Variants in NT5C2 observed in about 807,000 individuals in gnomAD.
NT5C2 encodes cytosolic purine 5'-nucleotidase.
Under a neutral mutation model 76.1 loss-of-function variants are expected in NT5C2, and 58 were observed. That is an observed-to-expected ratio of 0.76 (90% confidence interval 0.62 to 0.95). The LOEUF (loss-of-function observed/expected upper bound fraction) is 0.95. NT5C2 is among the 40% of genes least tolerant of loss of function. The pLI is 0.00. For synonymous variants in NT5C2, 229 were observed against 237.4 expected, an observed-to-expected ratio of 0.96 and a Z score of 0.32; for missense variants, 478 against 690.3, an observed-to-expected ratio of 0.69 and a Z score of 3.45.
chr10:103,126,439 T>C (rs1412070456), intron 4 of NT5C2, among the ~76,000 whole-genome samples: 4 of 152,144 alleles, frequency 2.6e-5, no homozygotes, highest in East Asian at 3.9e-4. Flanking sequence ...CTCGTCAATA[T>C]GGTGAAACCC....
chr10:103,191,395 AAAAGAGAG>A, intron 1 of NT5C2, among the ~76,000 whole-genome samples: 1 of 135,132 alleles, frequency 7.4e-6, no homozygotes, highest in Admixed American at 7.2e-5. Context: ...AAAAAAAAAA[AAAAGAGAG>A]AGAGAGGAAA....
chr10:103,095,713 T>C (rs534936433), intron 12 of NT5C2, among the ~76,000 whole-genome samples: 102 of 152,338 alleles, frequency 6.7e-4, no homozygotes, highest in African/African-American at 2.3e-3. Context: ...ATCCCTTTTA[T>C]TTCTGTCTAT....
chr10:103,142,750 T>A (rs1191826206), intron 3 of NT5C2, among the ~76,000 whole-genome samples: 3 of 151,982 alleles, frequency 2.0e-5, no homozygotes, highest in Non-Finnish European at 2.9e-5. Context: ...TTTGGGAGGC[T>A]GAGGCGGGTG....
At chr10:103,149,868 A>AG (rs967251704) in intron 3 of NT5C2, among the ~76,000 whole-genome samples, 11 of 152,042 alleles carry the variant, frequency 7.2e-5, no homozygotes, top group African/African-American at 2.7e-4. Flanking sequence ...ATTAAAAAAA[A>AG]AAAAAAAAGC....
At chr10:103,145,211 G>C (rs1197700699) in intron 3 of NT5C2, among the ~76,000 whole-genome samples, 1 of 152,126 alleles carries the variant, frequency 6.6e-6, no homozygotes, top group Non-Finnish European at 1.5e-5. Context: ...ACACCCAAAT[G>C]CTTAAAGTAT....
chr10:103,117,624 G>A (rs972332155), intron 4 of NT5C2, among the ~76,000 whole-genome samples: 1 of 152,128 alleles, frequency 6.6e-6, no homozygotes, highest in East Asian at 1.9e-4. Context: ...TGCAGCCTGG[G>A]TGACAGAGCA....
At chr10:103,114,907 A>G (rs1038408722) in intron 4 of NT5C2, among the ~76,000 whole-genome samples, 3 of 152,220 alleles carry the variant, frequency 2.0e-5, no homozygotes, top group Admixed American at 1.3e-4. Context: ...GTAACCAACT[A>G]CAGTATTAGT....
rs2065987476 is a variant in NT5C2 at position 103,088,569 on chromosome 10, T to TAGAG, written c.*1099_*1102dup. On this transcript the variant is annotated 3_prime_UTR_variant, in exon 19 of 19. Coordinates refer to ENST00000404739, the MANE Select transcript of NT5C2 (RefSeq NM_001351169.2). ...CGCCCAGGTAATTTTGTATTTTTAG[T>TAGAG]AGAGATGGGGTTTCTCCATGTTGGT... The TAGAG allele has an allele frequency of 1.3e-5, 2 of 154,236 alleles. No homozygotes were observed. Among genetic ancestry groups the TAGAG allele is most frequent in the African/African-American group, 4.8e-5 (2 of 41,524 alleles). The allele number at this position is 154,236 out of a possible 1,614,324, so 9.6% of individuals were successfully genotyped here. A position where few individuals can be genotyped will look rare whatever the true frequency, so the allele number is the denominator to read the frequency against.
At chr10:103,157,303 G>C (rs559691948) in intron 3 of NT5C2, among the ~76,000 whole-genome samples, 1 of 152,000 alleles carries the variant, frequency 6.6e-6, no homozygotes, top group East Asian at 1.9e-4. Context: ...CTTTGGCAGG[G>C]TAAGGTAAGA....
At chr10:103,127,077 T>A (rs1452389174) in intron 4 of NT5C2, among the ~76,000 whole-genome samples, 2 of 152,068 alleles carry the variant, frequency 1.3e-5, no homozygotes, top group Admixed American at 6.5e-5. Context: ...GTGGGGAGAG[T>A]TGAGGTTTTC....
intron 3 of NT5C2, among the ~76,000 whole-genome samples, chr10:103,170,235 A>G (rs1051856260): frequency 3.9e-5 from 6 of 152,196 alleles, no homozygotes; most frequent in African/African-American, 1.4e-4. Flanking sequence ...GCTTAAGCCC[A>G]GAAGTTTGAG....
At chr10:103,183,279 A>ATATATATATTT (rs1564653401) in intron 1 of NT5C2, among the ~76,000 whole-genome samples, 1 of 133,588 alleles carries the variant, frequency 7.5e-6, no homozygotes, top group East Asian at 2.1e-4. Flanking sequence ...ATATATATAT[A>ATATATATATTT]TATATATATA....
chr10:103,089,683 C>T lies in NT5C2; in HGVS notation c.1675G>A (p.Glu559Lys). The part of the protein sequence containing the change: ...DEDDDEEEEE[E>K]EE ...TTTGGTTTTCCTCCTTATTCTTCCT[C>T]CTCCTCCTCCTCTTCATCATCATCT... The change falls in exon 19 of 19, where the codon GAG becomes AAG. Residue 559 changes from glutamate (E) to lysine (K), a missense_variant. Transcript: ENST00000404739. 1 of 1,602,638 alleles carries T rather than the reference C, an allele frequency of 6.2e-7. No homozygotes were observed. Among genetic ancestry groups the T allele is most frequent in the South Asian group, 1.1e-5 (1 of 89,018 alleles).
chr10:103,186,993 A>G (rs1175701565), intron 1 of NT5C2, among the ~76,000 whole-genome samples: 2 of 151,008 alleles, frequency 1.3e-5, no homozygotes, highest in Non-Finnish European at 2.9e-5. Context: ...GTTCACGCCT[A>G]TAATCCCAGC....
At chr10:103,173,652 C>T (rs181038164) in intron 3 of NT5C2, among the ~76,000 whole-genome samples, 3 of 149,270 alleles carry the variant, frequency 2.0e-5, no homozygotes, top group African/African-American at 7.4e-5. Flanking sequence ...CTTGGCCGGG[C>T]GCAGTGGCTC....
chr10:103,144,458 C>A (rs1244114320), intron 3 of NT5C2, among the ~76,000 whole-genome samples: 1 of 152,226 alleles, frequency 6.6e-6, no homozygotes, highest in Non-Finnish European at 1.5e-5. Flanking sequence ...GAACAACAGT[C>A]TCAGCCAAGT....
At chr10:103,177,744 A>C (rs1235567563) in intron 2 of NT5C2, among the ~76,000 whole-genome samples, 1 of 152,222 alleles carries the variant, frequency 6.6e-6, no homozygotes, top group East Asian at 1.9e-4. Flanking sequence ...GTCCAGGCTA[A>C]GTCTTTTTTA....
At chr10:103,180,719 A>C (rs921057883) in intron 2 of NT5C2, among the ~76,000 whole-genome samples, 9 of 152,020 alleles carry the variant, frequency 5.9e-5, no homozygotes, top group African/African-American at 2.2e-4. Context: ...ATCCTGTCTC[A>C]AAAGAAAAAA....
intron 3 of NT5C2, among the ~76,000 whole-genome samples, chr10:103,167,270 G>C (rs1251264336): frequency 6.6e-6 from 1 of 151,916 alleles, no homozygotes; most frequent in Non-Finnish European, 1.5e-5. Flanking sequence ...CACCCACCTC[G>C]GCCTCCCAAA....
Sources: allele counts gnomAD v4.1 joint callset (sites outside exome capture counted in the v4.1 genomes callset), GRCh38; gene constraint gnomAD v4.1.1; transcripts MANE v1.5; gene names NCBI Gene and HGNC (gene_info 2026-07-23, HGNC 2026-07-21).